Variants in EXOC6B observed in about 807,000 individuals in gnomAD.
EXOC6B encodes exocyst complex component 6B, also known as SEC15 homolog B.
Under a neutral mutation model 113.5 loss-of-function variants are expected in EXOC6B, and 54 were observed. The observed-to-expected ratio is 0.48, with a 90% CI of 0.38 to 0.60. The LOEUF is 0.60. Among genes scored for constraint, EXOC6B ranks in the 20% least tolerant of loss-of-function variants. The pLI is 0.00. For missense variants in EXOC6B, 797 were observed against 977.5 expected (o/e 0.82, Z 2.46); for synonymous variants, 357 against 339.0 (o/e 1.05, Z -0.58).
At chr2:72,813,903 G>A (rs764828913) in intron 1 of EXOC6B, among the ~76,000 whole-genome samples, 2 of 152,162 alleles carry the variant, frequency 1.3e-5, no homozygotes, top group Admixed American at 6.6e-5. Context: ...AAGTGGTAGG[G>A]AGATACAAAG....
At chr2:72,558,692 C>G (rs2103687585) in intron 8 of EXOC6B, among the ~76,000 whole-genome samples, 1 of 152,140 alleles carries the variant, frequency 6.6e-6, no homozygotes, top group Non-Finnish European at 1.5e-5. Flanking sequence ...TCGCTTGAAC[C>G]CGGGAGGCGG....
chr2:72,560,698 T>C (rs1703842171), intron 7 of EXOC6B, among the ~76,000 whole-genome samples: 1 of 152,116 alleles, frequency 6.6e-6, no homozygotes, highest in African/African-American at 2.4e-5. Flanking sequence ...TTCGCACCCA[T>C]GAGAGCAAAG....
chr2:72,807,070 G>T (rs1349177468), intron 1 of EXOC6B, among the ~76,000 whole-genome samples: 1 of 151,944 alleles, frequency 6.6e-6, no homozygotes, highest in Non-Finnish European at 1.5e-5. Flanking sequence ...CAATGCTTTG[G>T]TGTCTTCATC....
At chr2:72,214,885 C>T (rs900095055) in intron 20 of EXOC6B, among the ~76,000 whole-genome samples, 18 of 152,158 alleles carry the variant, frequency 1.2e-4, no homozygotes, top group South Asian at 8.3e-4. Context: ...TTAAAACAAA[C>T]AGTTGAGGTC....
intron 6 of EXOC6B, among the ~76,000 whole-genome samples, chr2:72,599,285 T>C (rs1048810376): frequency 6.6e-6 from 1 of 151,972 alleles, no homozygotes; most frequent in Non-Finnish European, 1.5e-5. Flanking sequence ...ATCACATCCA[T>C]AGGTTAAAAA....
At chr2:72,237,677 G>C (rs952978053) in intron 20 of EXOC6B, among the ~76,000 whole-genome samples, 1 of 152,104 alleles carries the variant, frequency 6.6e-6, no homozygotes, top group Non-Finnish European at 1.5e-5. Flanking sequence ...TTGCCAGTTC[G>C]TGTCGGACTT....
At chr2:72,617,151 G>C (rs1331762215) in intron 6 of EXOC6B, among the ~76,000 whole-genome samples, 1 of 152,216 alleles carries the variant, frequency 6.6e-6, no homozygotes, top group Admixed American at 6.5e-5. Context: ...AATGCCAGAA[G>C]TGGGCTCCCA....
chr2:72,210,701 C>T (rs1238259509), intron 20 of EXOC6B, among the ~76,000 whole-genome samples: 1 of 152,212 alleles, frequency 6.6e-6, no homozygotes, highest in East Asian at 1.9e-4. Context: ...GTGTCTACTT[C>T]TCCAGGCACA....
chr2:72,225,846 A>G (rs1441855085), intron 20 of EXOC6B, among the ~76,000 whole-genome samples: 1 of 152,220 alleles, frequency 6.6e-6, no homozygotes, highest in Admixed American at 6.5e-5. Flanking sequence ...AAAAAATGAC[A>G]CAGTGAATAA....
chr2:72,804,049 T>A (rs1275672163), intron 1 of EXOC6B, among the ~76,000 whole-genome samples: 1 of 152,192 alleles, frequency 6.6e-6, no homozygotes, highest in Non-Finnish European at 1.5e-5. Context: ...ACCTAAAGCT[T>A]CATCTTTACA....
rs115375536 is a variant in EXOC6B, at chr2:72,502,699, A to G, written c.1168-2727T>C. 3.6e-3 allele frequency among the ~76,000 whole-genome samples: 555 copies of G among 152,294 alleles called. 4 individuals are homozygous for G. Among genetic ancestry groups the G allele is most frequent in the African/African-American group, 0.012 (503 of 41,562 alleles). ...CGCCATTTACCCTGTTTGACACTCA[A>G]TGTATCCTTCCAACTTTAAGAATCT... is the stretch of plus-strand genomic sequence containing the variant. On this transcript the variant is annotated intron_variant, in intron 11 of 21. Transcript: ENST00000272427.
At chr2:72,516,643 A>G (rs150070579) in intron 8 of EXOC6B, among the ~76,000 whole-genome samples, 3 of 152,320 alleles carry the variant, frequency 2.0e-5, no homozygotes, top group East Asian at 3.9e-4. Context: ...ACCAGAGACT[A>G]TTATTACATT....
At chr2:72,335,554 A>G (rs1367563535) in intron 19 of EXOC6B, among the ~76,000 whole-genome samples, 55 of 55,160 alleles carry the variant, frequency 1.0e-3, no homozygotes, top group African/African-American at 6.0e-3. Flanking sequence ...TATTGCACAC[A>G]CACACACACA....
At chr2:72,223,592 A>T (rs1156773063) in intron 20 of EXOC6B, among the ~76,000 whole-genome samples, 1 of 152,218 alleles carries the variant, frequency 6.6e-6, no homozygotes, top group Non-Finnish European at 1.5e-5. Flanking sequence ...TTTTTGAATT[A>T]AAATGGTGTT....
intron 14 of EXOC6B, among the ~76,000 whole-genome samples, chr2:72,495,913 G>C (rs1008065449): frequency 6.6e-6 from 1 of 152,128 alleles, no homozygotes; most frequent in African/African-American, 2.4e-5. Context: ...TCTGAAAAAG[G>C]CAAAAGTAGA....
intron 20 of EXOC6B, among the ~76,000 whole-genome samples, chr2:72,263,029 A>T (rs1278161988): frequency 2.0e-5 from 3 of 152,186 alleles, no homozygotes. Context: ...TGGGGGGGAC[A>T]ATTTAGAATT....
chr2:72,197,608 G>A (rs1236009454), intron 20 of EXOC6B, among the ~76,000 whole-genome samples: 1 of 151,992 alleles, frequency 6.6e-6, no homozygotes, highest in Non-Finnish European at 1.5e-5. Flanking sequence ...TTCTAATCAG[G>A]AAGATCTGAG....
intron 6 of EXOC6B, among the ~76,000 whole-genome samples, chr2:72,591,067 T>C (rs1705919182): frequency 6.6e-6 from 1 of 151,998 alleles, no homozygotes; most frequent in Admixed American, 6.6e-5. Flanking sequence ...ACATTGTAAA[T>C]TAAGATCTAG....
rs1475249753 is a variant in EXOC6B at position 72,643,102 on chromosome 2, A to G, written c.670-67434T>C. On this transcript the variant is annotated intron_variant, in intron 6 of 21. Transcript: ENST00000272427. ...CAGTTAGAATGGCAATCATTAAAAA[A>G]TCAGGAAACAACAGGTGCTGGAGAG... Among the ~76,000 whole-genome samples, 25 of 152,020 alleles carry G rather than the reference A, an allele frequency of 1.6e-4. 1 individual carries two copies. The highest frequency in any genetic ancestry group is 4.1e-4 in the African/African-American group (17 of 41,486).
Sources: allele counts gnomAD v4.1 joint callset (sites outside exome capture counted in the v4.1 genomes callset), GRCh38; gene constraint gnomAD v4.1.1; transcripts MANE v1.5; gene names NCBI Gene and HGNC (gene_info 2026-07-23, HGNC 2026-07-21).